Variants in AUTS2 observed in about 807,000 individuals in gnomAD.
AUTS2 encodes autism susceptibility gene 2 protein.
AUTS2 carries 17 observed loss-of-function variants against 112.4 expected under a neutral mutation model. The ratio of observed to expected loss-of-function variants is 0.15; its 90% confidence interval spans 0.10 to 0.23. AUTS2 has a LOEUF of 0.23. Among genes scored for constraint, AUTS2 ranks in the 10% least tolerant of loss-of-function variants. The pLI, the probability that AUTS2 is intolerant of heterozygous loss-of-function variation, is 1.00. For missense variants in AUTS2, 1,510 were observed against 1,701.6 expected (o/e 0.89, Z 1.98); for synonymous variants, 751 against 702.7 (o/e 1.07, Z -1.09).
At chr7:70,486,440 T>A (rs1243177219) in intron 5 of AUTS2, among the ~76,000 whole-genome samples, 1 of 152,194 alleles carries the variant, frequency 6.6e-6, no homozygotes, top group African/African-American at 2.4e-5. Flanking sequence ...GCTTAATAAA[T>A]GTTAGTTGTT....
intron 1 of AUTS2, among the ~76,000 whole-genome samples, chr7:69,840,241 G>C (rs142456145): frequency 6.6e-6 from 1 of 152,094 alleles, no homozygotes; most frequent in African/African-American, 2.4e-5. Flanking sequence ...TCCAAAAAGC[G>C]TTTCTCAGAG....
intron 1 of AUTS2, among the ~76,000 whole-genome samples, chr7:69,890,693 GAAA>G (rs56364103): frequency 6.0e-4 from 81 of 134,058 alleles, no homozygotes; most frequent in African/African-American, 2.0e-3. Flanking sequence ...TGTTAAAAAT[GAAA>G]AAAAAAAAAA....
chr7:69,845,028 A>T (rs1041016360), intron 1 of AUTS2, among the ~76,000 whole-genome samples: 1 of 152,224 alleles, frequency 6.6e-6, no homozygotes, highest in African/African-American at 2.4e-5. Flanking sequence ...GGTGGCAAGA[A>T]GATGGGAATA....
intron 5 of AUTS2, among the ~76,000 whole-genome samples, chr7:70,486,848 A>C (rs1217749903): frequency 6.7e-6 from 1 of 148,874 alleles, no homozygotes; most frequent in African/African-American, 2.5e-5. Context: ...TGGTGGTGGT[A>C]GTGGTGGTAG....
At chr7:70,234,960 G>C (rs924024858) in intron 4 of AUTS2, among the ~76,000 whole-genome samples, 6 of 151,954 alleles carry the variant, frequency 3.9e-5, no homozygotes, top group African/African-American at 1.5e-4. Context: ...GCAAAAGCTT[G>C]GTGTTCTCTC....
chr7:69,776,973 C>T (rs998559466), intron 1 of AUTS2, among the ~76,000 whole-genome samples: 4 of 152,194 alleles, frequency 2.6e-5, no homozygotes, highest in African/African-American at 4.8e-5. Context: ...TGAGTTAGTG[C>T]AGGGAGTCAC....
At chr7:70,512,260 A>G (rs1197951904) in intron 5 of AUTS2, among the ~76,000 whole-genome samples, 1 of 152,224 alleles carries the variant, frequency 6.6e-6, no homozygotes, top group South Asian at 2.1e-4. Context: ...GATATTAGCC[A>G]CATAGAGGCC....
chr7:70,280,517 C>T (rs573901938), intron 4 of AUTS2, among the ~76,000 whole-genome samples: 4 of 148,140 alleles, frequency 2.7e-5, no homozygotes, highest in South Asian at 4.3e-4. Context: ...AGGCTAGTCT[C>T]GATCTTTTGA....
At chr7:69,711,006 C>G (rs1347783252) in intron 1 of AUTS2, among the ~76,000 whole-genome samples, 1 of 152,142 alleles carries the variant, frequency 6.6e-6, no homozygotes, top group East Asian at 1.9e-4. Context: ...TTCCTTTCCT[C>G]CTGCTCACCC....
chr7:70,107,335 CTTT>C (rs35066322), intron 2 of AUTS2, among the ~76,000 whole-genome samples: 2 of 96,930 alleles, frequency 2.1e-5, no homozygotes, highest in African/African-American at 8.1e-5. Flanking sequence ...AGATGAGAAG[CTTT>C]TTTTTTTTTT....
intron 4 of AUTS2, among the ~76,000 whole-genome samples, chr7:70,186,718 G>A (rs561086585): frequency 7.9e-5 from 12 of 152,122 alleles, no homozygotes; most frequent in African/African-American, 2.4e-4. Flanking sequence ...ACAGGCGCCC[G>A]CCACCATGTC....
intron 2 of AUTS2, among the ~76,000 whole-genome samples, chr7:69,932,826 C>T (rs1205420353): frequency 6.6e-6 from 1 of 152,156 alleles, no homozygotes; most frequent in African/African-American, 2.4e-5. Context: ...TTTAAGTTAC[C>T]GTTGAGAATT....
intron 5 of AUTS2, among the ~76,000 whole-genome samples, chr7:70,468,677 G>T (rs1350625042): frequency 6.6e-6 from 1 of 152,140 alleles, no homozygotes; most frequent in East Asian, 1.9e-4. Flanking sequence ...TGAGCATCAG[G>T]TGCTCTACAG....
intron 5 of AUTS2, among the ~76,000 whole-genome samples, chr7:70,546,733 C>G (rs1800800915): frequency 6.7e-6 from 1 of 149,910 alleles, no homozygotes; most frequent in South Asian, 2.1e-4. Flanking sequence ...GAGCTGAGAT[C>G]ATGCCACTGC....
intron 5 of AUTS2, among the ~76,000 whole-genome samples, chr7:70,645,073 A>G (rs1479446862): frequency 6.6e-6 from 1 of 152,162 alleles, no homozygotes; most frequent in African/African-American, 2.4e-5. Context: ...TTACCAAGAT[A>G]ATTGAGTTGG....
chr7:69,945,984 G>A (rs910807489), intron 2 of AUTS2, among the ~76,000 whole-genome samples: 59 of 152,058 alleles, frequency 3.9e-4, no homozygotes, highest in African/African-American at 1.3e-3. Context: ...TTATAGGCTC[G>A]TGCCCACCAT....
chr7:69,927,192 A>T (rs1021983794), intron 2 of AUTS2, among the ~76,000 whole-genome samples: 2 of 147,554 alleles, frequency 1.4e-5, no homozygotes, highest in African/African-American at 4.9e-5. Context: ...ATATTTATAT[A>T]TATATATATA....
At chr7:70,767,696 C>G (rs1336940882) in intron 9 of AUTS2, among the ~76,000 whole-genome samples, 1 of 152,150 alleles carries the variant, frequency 6.6e-6, no homozygotes. Context: ...ACCAAATGCT[C>G]ACCTCTCTCT....
intron 2 of AUTS2, among the ~76,000 whole-genome samples, chr7:69,970,091 A>G (rs1797788377): frequency 6.6e-6 from 1 of 152,164 alleles, no homozygotes; most frequent in Non-Finnish European, 1.5e-5. Context: ...CCACCACCAC[A>G]CTAACACACA....
Sources: gnomAD v4.1 joint callset for allele counts (sites outside exome capture counted in the v4.1 genomes callset) on GRCh38, gnomAD v4.1.1 for gene constraint, MANE v1.5 for transcripts, NCBI Gene and HGNC (gene_info 2026-07-23, HGNC 2026-07-21) for gene names.